The following RORA variants were observed in gnomAD, a reference collection of about 807,000 sequenced individuals.
The protein encoded by RORA is nuclear receptor ROR-alpha.
In RORA, 7 loss-of-function variants were observed where a neutral mutation model predicts 69.5. The observed-to-expected ratio is 0.10, with a 90% CI of 0.06 to 0.19. The LOEUF is 0.19. Among genes scored for constraint, RORA ranks in the 10% least tolerant of loss-of-function variants. The pLI is 1.00. For missense variants in RORA, 457 were observed against 663.0 expected, an observed-to-expected ratio of 0.69 and a Z score of 3.41; for synonymous variants, 261 against 240.8, an observed-to-expected ratio of 1.08 and a Z score of -0.78.
intron 1 of RORA, among the ~76,000 whole-genome samples, chr15:60,923,165 G>A (rs1892102399): frequency 6.6e-6 from 1 of 152,132 alleles, no homozygotes; most frequent in African/African-American, 2.4e-5. Flanking sequence ...TCTGAAGTCT[G>A]AACAAAGGCC....
At chr15:60,718,695 T>C (rs1273324698) in intron 1 of RORA, among the ~76,000 whole-genome samples, 1 of 152,172 alleles carries the variant, frequency 6.6e-6, no homozygotes, top group Admixed American at 6.5e-5. Flanking sequence ...CATCTAACCA[T>C]CCATGTCTTG....
chr15:61,098,465 T>G (rs887451672), intron 1 of RORA, among the ~76,000 whole-genome samples: 1 of 152,036 alleles, frequency 6.6e-6, no homozygotes, highest in African/African-American at 2.4e-5. Context: ...TCCTGCCTCC[T>G]GAGTAACTAA....
At chr15:60,521,801 G>C (rs139542923) in intron 3 of RORA, among the ~76,000 whole-genome samples, 2 of 152,210 alleles carry the variant, frequency 1.3e-5, no homozygotes, top group Non-Finnish European at 1.5e-5. Context: ...TCGATTTCCT[G>C]ACACAGAGTC....
intron 1 of RORA, among the ~76,000 whole-genome samples, chr15:60,853,874 T>C (rs16943197): frequency 0.39 from 60,025 of 152,092 alleles, 12,112 homozygotes; most frequent in Non-Finnish European, 0.41. Flanking sequence ...AATTCCGCAA[T>C]GTTTTCATCT....
intron 3 of RORA, among the ~76,000 whole-genome samples, chr15:60,514,977 C>G (rs1185140043): frequency 6.6e-6 from 1 of 152,202 alleles, no homozygotes; most frequent in Non-Finnish European, 1.5e-5. Flanking sequence ...ACCTGCAAAA[C>G]TTTCTTTAAC....
At chr15:60,837,094 A>T (rs1218408248) in intron 1 of RORA, among the ~76,000 whole-genome samples, 2 of 149,946 alleles carry the variant, frequency 1.3e-5, no homozygotes, top group African/African-American at 4.9e-5. Flanking sequence ...CTGATCTCAA[A>T]CTCCTGGGCT....
At chr15:61,097,713 A>G (rs750249503) in intron 1 of RORA, among the ~76,000 whole-genome samples, 10 of 152,188 alleles carry the variant, frequency 6.6e-5, no homozygotes, top group Admixed American at 1.3e-4. Context: ...TTTTTAAAAT[A>G]CATCTATCTG....
At chr15:60,813,991 T>C (rs188171209) in intron 1 of RORA, among the ~76,000 whole-genome samples, 16 of 152,296 alleles carry the variant, frequency 1.1e-4, no homozygotes, top group African/African-American at 3.1e-4. Context: ...GAATAACATA[T>C]AATCTATTTG....
chr15:60,908,937 G>A (rs2140476366), intron 1 of RORA, among the ~76,000 whole-genome samples: 1 of 151,768 alleles, frequency 6.6e-6, no homozygotes, highest in African/African-American at 2.4e-5. Flanking sequence ...ATTGTTTGAA[G>A]AAAAGGGATA....
intron 1 of RORA, among the ~76,000 whole-genome samples, chr15:60,777,200 C>T (rs1391331532): frequency 2.6e-5 from 4 of 152,216 alleles, no homozygotes; most frequent in African/African-American, 9.6e-5. Flanking sequence ...ACACTTTAGT[C>T]TTCTCTAACA....
chr15:61,029,400 T>C (rs2140437006), intron 1 of RORA, among the ~76,000 whole-genome samples: 1 of 152,260 alleles, frequency 6.6e-6, no homozygotes, highest in African/African-American at 2.4e-5. Flanking sequence ...CATGTTGATG[T>C]TCTGTTTATC....
At chr15:60,783,375 T>G in intron 1 of RORA, among the ~76,000 whole-genome samples, 1 of 152,204 alleles carries the variant, frequency 6.6e-6, no homozygotes, top group East Asian at 1.9e-4. Flanking sequence ...TAAATTTTAT[T>G]GACAAAAATT....
At chr15:60,872,195 A>G (rs1212822370) in intron 1 of RORA, among the ~76,000 whole-genome samples, 1 of 152,200 alleles carries the variant, frequency 6.6e-6, no homozygotes, top group African/African-American at 2.4e-5. Flanking sequence ...GTGATCTTGC[A>G]TTGGCCATTT....
chr15:60,919,625 C>A (rs1369465536), intron 1 of RORA, among the ~76,000 whole-genome samples: 1 of 152,182 alleles, frequency 6.6e-6, no homozygotes, highest in Non-Finnish European at 1.5e-5. Flanking sequence ...TTTCACTGGT[C>A]AAGAGCAGGC....
At chr15:61,221,385 C>G (rs1419964471) in intron 1 of RORA, among the ~76,000 whole-genome samples, 1 of 152,154 alleles carries the variant, frequency 6.6e-6, no homozygotes, top group Non-Finnish European at 1.5e-5. Context: ...CCCCCTCATT[C>G]TATTTCACCT....
At chr15:60,707,519 A>G (rs1339350379) in intron 1 of RORA, among the ~76,000 whole-genome samples, 1 of 151,862 alleles carries the variant, frequency 6.6e-6, no homozygotes, top group Non-Finnish European at 1.5e-5. Flanking sequence ...GCCCGCCACC[A>G]CGCCTGGCTA....
chr15:60,987,540 G>C (rs994616715), intron 1 of RORA, among the ~76,000 whole-genome samples: 1 of 152,150 alleles, frequency 6.6e-6, no homozygotes. Flanking sequence ...CATTATTCCA[G>C]CCAATTACTG....
At chr15:61,169,088 A>G (rs1425702639) in intron 1 of RORA, among the ~76,000 whole-genome samples, 1 of 143,608 alleles carries the variant, frequency 7.0e-6, no homozygotes, top group African/African-American at 2.7e-5. Context: ...CTGCCAGAGC[A>G]TAAGAACACT....
chr15:60,842,999 G>A (rs1011533841), intron 1 of RORA, among the ~76,000 whole-genome samples: 4 of 152,000 alleles, frequency 2.6e-5, no homozygotes, highest in African/African-American at 9.7e-5. Flanking sequence ...CTCTTTCTCT[G>A]TCCACCCTTC....
Sources: gnomAD v4.1 joint callset for allele counts (sites outside exome capture counted in the v4.1 genomes callset) on GRCh38, gnomAD v4.1.1 for gene constraint, MANE v1.5 for transcripts, NCBI Gene and HGNC (gene_info 2026-07-23, HGNC 2026-07-21) for gene names.